Variants in IGF2BP3 observed in about 807,000 individuals in gnomAD.
IGF2BP3 encodes insulin like growth factor 2 mRNA binding protein 3.
Under a neutral mutation model 73.8 loss-of-function variants are expected in IGF2BP3, and 9 were observed. The ratio of observed to expected loss-of-function variants is 0.12; its 90% CI spans 0.07 to 0.21. The LOEUF is 0.21. Among genes scored for constraint, IGF2BP3 ranks in the 10% least tolerant of loss-of-function variants. The pLI, the probability that IGF2BP3 is intolerant of heterozygous loss-of-function variation, is 1.00. For missense variants in IGF2BP3, 542 were observed against 714.0 expected, an observed-to-expected ratio of 0.76 and a Z score of 2.75; for synonymous variants, 258 against 256.7, an observed-to-expected ratio of 1.01 and a Z score of -0.05.
chr7:23,367,202 T>C (rs1785400481), intron 3 of IGF2BP3, among the ~76,000 whole-genome samples: 1 of 152,100 alleles, frequency 6.6e-6, no homozygotes, highest in African/African-American at 2.4e-5. Context: ...AGTCCCGAAT[T>C]CCTGAGCTCA....
intron 2 of IGF2BP3, among the ~76,000 whole-genome samples, chr7:23,460,870 G>A (rs1161848647): frequency 6.6e-6 from 1 of 152,006 alleles, no homozygotes; most frequent in African/African-American, 2.4e-5. Context: ...AGGACCTCTT[G>A]AACCCGGGAG....
At chr7:23,415,639 T>C in intron 3 of IGF2BP3, 1 of 185,388 alleles carries the variant, frequency 5.4e-6, no homozygotes, top group South Asian at 8.4e-5. Flanking sequence ...ACAAGATGTA[T>C]AACTCCTCTC....
Position 23,368,105 on chromosome 7 carries a change from G to C in IGF2BP3, c.286-6364C>G, listed in dbSNP as rs369162221. 2.6e-5 allele frequency among the ~76,000 whole-genome samples: 4 copies of C among 152,102 alleles called. No homozygotes were observed. The East Asian group carries it at 5.8e-4, about 22-fold the overall frequency. ...AGATTATCACTTCCTGAATGTAATG[G>C]TACAAAATTAAGATCACTCATAATA... On this transcript the variant is annotated intron_variant, in intron 3 of 14. Coordinates refer to ENST00000258729, the MANE Select transcript of IGF2BP3 (RefSeq NM_006547.3).
intron 3 of IGF2BP3, among the ~76,000 whole-genome samples, chr7:23,398,884 C>A (rs1786568298): frequency 1.3e-5 from 2 of 152,248 alleles, no homozygotes; most frequent in South Asian, 2.1e-4. Context: ...ATGGTAGTTT[C>A]TTTTGTTGTG....
chr7:23,403,353 G>A (rs1028144249), intron 3 of IGF2BP3, among the ~76,000 whole-genome samples: 1 of 152,012 alleles, frequency 6.6e-6, no homozygotes, highest in Non-Finnish European at 1.5e-5. Flanking sequence ...TCATGCCTAA[G>A]TATTTATGTA....
At position 23,319,192 on chromosome 7, in the gene IGF2BP3, G is replaced by C. The variant is rs752030714; in HGVS notation, c.1266C>G (p.Gly422=). 1.9e-6 allele frequency: 3 copies of C among 1,613,826 alleles called. No homozygotes were observed. The highest frequency in any genetic ancestry group is 4.5e-5 in the East Asian group (2 of 44,874). The change falls in exon 11 of 15, where the codon GGC becomes GGG. Residue 422 remains glycine (G), a synonymous_variant. Coordinates refer to ENST00000258729, the MANE Select transcript of IGF2BP3 (RefSeq NM_006547.3). ...GCTGCTTGATGTGCTGGCCCTGCTT[G>C]CCGATGATGGCACCGACTGATAGAG... ...IPALSVGAII[G]KQGQHIKQLS...
chr7:23,348,078 G>T (rs934553173), intron 6 of IGF2BP3, among the ~76,000 whole-genome samples: 2 of 152,184 alleles, frequency 1.3e-5, no homozygotes, highest in Non-Finnish European at 2.9e-5. Context: ...ATAGGAACTG[G>T]AGGGCATGCC....
At chr7:23,330,243 A>G (rs1347087907) in intron 10 of IGF2BP3, among the ~76,000 whole-genome samples, 1 of 152,010 alleles carries the variant, frequency 6.6e-6, no homozygotes, top group South Asian at 2.1e-4. Context: ...CAGAGATCAC[A>G]CCATTGCACT....
intron 13 of IGF2BP3, 49 bp downstream of exon 13, chr7:23,313,472 TC>T (rs1260212501): frequency 6.3e-7 from 1 of 1,596,588 alleles, no homozygotes; most frequent in African/African-American, 1.3e-5. Flanking sequence ...TAAGTACCTT[TC>T]AACGCTTTCC....
intron 2 of IGF2BP3, among the ~76,000 whole-genome samples, chr7:23,423,016 C>A (rs1787393850): frequency 6.6e-6 from 1 of 152,222 alleles, no homozygotes; most frequent in South Asian, 2.1e-4. Flanking sequence ...CTCAAGTGAT[C>A]TGCCCGCCTC....
rs367573585 is a variant in IGF2BP3 at position 23,361,664 on chromosome 7, T to C, written c.337+26A>G. ...TTTCTACTTCCTTCCTTTTACAAAT[T>C]TGAAAGCAATTCAGAAGACATGTAC... is the stretch of plus-strand genomic sequence containing the variant. On this transcript the variant is annotated intron_variant, in intron 4 of 14. Transcript: ENST00000258729. 1.2e-5 allele frequency: 19 copies of C among 1,613,694 alleles called. No individual in the cohort carries two copies. In the South Asian group the frequency reaches 1.5e-4, roughly 13 times the overall value.
chr7:23,324,935 G>C (rs1318951033), intron 10 of IGF2BP3, among the ~76,000 whole-genome samples: 1 of 144,976 alleles, frequency 6.9e-6, no homozygotes, highest in Non-Finnish European at 1.5e-5. Context: ...AATAATAAGA[G>C]CTATCTATGA....
intron 3 of IGF2BP3, among the ~76,000 whole-genome samples, chr7:23,377,255 T>C (rs958582295): frequency 3.9e-5 from 6 of 152,202 alleles, no homozygotes; most frequent in Admixed American, 6.5e-5. Context: ...ATCTAGCATA[T>C]ACAAAGAACT....
intron 3 of IGF2BP3, among the ~76,000 whole-genome samples, chr7:23,403,442 A>C (rs1786731008): frequency 6.6e-6 from 1 of 152,152 alleles, no homozygotes; most frequent in Non-Finnish European, 1.5e-5. Context: ...TAAATTATAG[A>C]TATATATAAG....
intron 3 of IGF2BP3, among the ~76,000 whole-genome samples, chr7:23,417,043 C>T (rs530880298): frequency 3.9e-5 from 6 of 152,108 alleles, no homozygotes; most frequent in African/African-American, 4.8e-5. Context: ...GCAATGAGAG[C>T]GAAACTCCAT....
At chr7:23,443,821 A>C (rs1787993480) in intron 2 of IGF2BP3, among the ~76,000 whole-genome samples, 1 of 151,856 alleles carries the variant, frequency 6.6e-6, no homozygotes, top group African/African-American at 2.4e-5. Flanking sequence ...CATCCTGGCT[A>C]ACACGGTGAA....
At chr7:23,407,296 T>C (rs1786864931) in intron 3 of IGF2BP3, among the ~76,000 whole-genome samples, 1 of 150,392 alleles carries the variant, frequency 6.6e-6, no homozygotes, top group Admixed American at 6.6e-5. Context: ...ACTGAAGATA[T>C]TGAATTTGAG....
chr7:23,315,084 T>C (rs1006903420), intron 12 of IGF2BP3, among the ~76,000 whole-genome samples: 5 of 152,172 alleles, frequency 3.3e-5, no homozygotes, highest in Admixed American at 6.5e-5. Flanking sequence ...ATTATGGGCA[T>C]GAGCCACTCA....
chr7:23,381,593 G>A (rs572868239), intron 3 of IGF2BP3, among the ~76,000 whole-genome samples: 1 of 151,746 alleles, frequency 6.6e-6, no homozygotes, highest in South Asian at 2.1e-4. Flanking sequence ...TTTTTAGATG[G>A]AGTCTCACTG....
Sources: gnomAD v4.1 joint callset for allele counts (sites outside exome capture counted in the v4.1 genomes callset) on GRCh38, gnomAD v4.1.1 for gene constraint, MANE v1.5 for transcripts, NCBI Gene and HGNC (gene_info 2026-07-23, HGNC 2026-07-21) for gene names.